The following ERC2 variants were observed in gnomAD, a reference collection of about 807,000 sequenced individuals.
The protein encoded by ERC2 is ERC protein 2.
In ERC2, 42 loss-of-function variants were observed where a neutral mutation model predicts 114.8. The ratio of observed to expected loss-of-function variants is 0.37; its 90% CI spans 0.29 to 0.47. ERC2 has a LOEUF of 0.47. Ranked by LOEUF, ERC2 falls within the 20% of genes least tolerant of loss-of-function variation. The pLI is 0.99. For synonymous variants in ERC2, 454 were observed against 425.5 expected (o/e 1.07, Z -0.82); for missense variants, 939 against 1,150.7 (o/e 0.82, Z 2.66).
chr3:55,678,437 A>G (rs2061912284), intron 17 of ERC2, among the ~76,000 whole-genome samples: 1 of 152,160 alleles, frequency 6.6e-6, no homozygotes, highest in South Asian at 2.1e-4. Context: ...CCTTCTCTCT[A>G]GGTCCCTCTA....
At chr3:56,000,844 G>A (rs1443315994) in intron 10 of ERC2, among the ~76,000 whole-genome samples, 1 of 150,940 alleles carries the variant, frequency 6.6e-6, no homozygotes, top group Non-Finnish European at 1.5e-5. Context: ...CTTGAGCCCA[G>A]GAGTTTGAGA....
intron 3 of ERC2, among the ~76,000 whole-genome samples, chr3:56,208,632 G>T (rs540509971): frequency 3.9e-5 from 6 of 152,326 alleles, no homozygotes; most frequent in African/African-American, 1.4e-4. Flanking sequence ...TCTTCACACT[G>T]AAGATCTTTC....
chr3:55,787,711 T>C (rs1310506565), intron 14 of ERC2, among the ~76,000 whole-genome samples: 5 of 152,224 alleles, frequency 3.3e-5, no homozygotes, highest in Non-Finnish European at 7.3e-5. Context: ...AGATCCCTAT[T>C]GATCCATCAG....
intron 14 of ERC2, among the ~76,000 whole-genome samples, chr3:55,789,649 T>C (rs56912263): frequency 0.14 from 21,476 of 152,252 alleles, 1,726 homozygotes; most frequent in East Asian, 0.23. Flanking sequence ...CAGGTACAAT[T>C]GCTATCATTT....
At chr3:55,552,764 T>C (rs982024286) in intron 17 of ERC2, among the ~76,000 whole-genome samples, 7 of 151,932 alleles carry the variant, frequency 4.6e-5, no homozygotes, top group African/African-American at 1.4e-4. Context: ...GGAGTTCTCC[T>C]CTAGGGAGAA....
chr3:56,149,356 G>T (rs2081303799), intron 4 of ERC2, among the ~76,000 whole-genome samples: 1 of 151,904 alleles, frequency 6.6e-6, no homozygotes, highest in Non-Finnish European at 1.5e-5. Flanking sequence ...ACAATACAGA[G>T]AATTATCTAG....
chr3:56,081,379 G>A (rs760469812), intron 6 of ERC2, among the ~76,000 whole-genome samples: 1 of 151,990 alleles, frequency 6.6e-6, no homozygotes, highest in Non-Finnish European at 1.5e-5. Flanking sequence ...CCTGAAATAC[G>A]GAGAACACAA....
At chr3:56,201,840 A>C (rs112873942) in intron 3 of ERC2, among the ~76,000 whole-genome samples, 20 of 152,250 alleles carry the variant, frequency 1.3e-4, no homozygotes, top group African/African-American at 3.4e-4. Flanking sequence ...TCTTTACAAC[A>C]GTAGGAGAGC....
At chr3:56,379,852 TTG>T (rs1422272351) in intron 2 of ERC2, among the ~76,000 whole-genome samples, 1 of 152,156 alleles carries the variant, frequency 6.6e-6, no homozygotes, top group African/African-American at 2.4e-5. Context: ...AACTAAAATT[TTG>T]TGTCAACAAC....
At chr3:55,834,659 G>A (rs1263618894) in intron 14 of ERC2, among the ~76,000 whole-genome samples, 1 of 150,070 alleles carries the variant, frequency 6.7e-6, no homozygotes, top group East Asian at 2.0e-4. Context: ...GAGAAAGCAG[G>A]AAAGATCCAA....
At chr3:55,975,190 T>TAA (rs112414816) in intron 12 of ERC2, among the ~76,000 whole-genome samples, 2,515 of 144,050 alleles carry the variant, frequency 0.017, 64 homozygotes, top group African/African-American at 0.057. Flanking sequence ...GGAGTTGCTA[T>TAA]AAAAAAAAAA....
At chr3:55,908,626 C>T (rs1482403917) in intron 13 of ERC2, among the ~76,000 whole-genome samples, 2 of 152,084 alleles carry the variant, frequency 1.3e-5, no homozygotes, top group Non-Finnish European at 2.9e-5. Flanking sequence ...GGCAGCTGGC[C>T]GGTCACTCTC....
intron 10 of ERC2, among the ~76,000 whole-genome samples, chr3:55,997,906 T>G (rs11709202): frequency 0.41 from 14,925 of 36,512 alleles, 1,729 homozygotes; most frequent in East Asian, 0.56. Flanking sequence ...TTTTTTTTTT[T>G]TGTGTGTGTG....
At chr3:55,682,098 C>T (rs186004003) in intron 17 of ERC2, among the ~76,000 whole-genome samples, 11 of 152,320 alleles carry the variant, frequency 7.2e-5, no homozygotes, top group South Asian at 2.1e-4. Flanking sequence ...TGCTTTTTAA[C>T]GCTATAAAAC....
At chr3:55,514,698 A>C (rs13314106) in intron 17 of ERC2, among the ~76,000 whole-genome samples, 46,196 of 152,016 alleles carry the variant, frequency 0.3, 8,422 homozygotes, top group African/African-American at 0.51. Context: ...ACCACGAGGA[A>C]ATGAATTCTG....
At chr3:55,776,767 C>G (rs924957716) in intron 14 of ERC2, among the ~76,000 whole-genome samples, 5 of 152,184 alleles carry the variant, frequency 3.3e-5, no homozygotes, top group Non-Finnish European at 7.3e-5. Flanking sequence ...TCCCAAAGGG[C>G]TGCTGTGAGA....
rs71099612 is a variant in ERC2, at chr3:56,033,030, C to CAGAAAGAAAGAAAGAAAGAA, written c.1642-14019_1642-14000dup. Among the ~76,000 whole-genome samples, 116 of 65,250 alleles carry CAGAAAGAAAGAAAGAAAGAA rather than the reference C, an allele frequency of 1.8e-3. 1 individual carries two copies. The highest frequency in any genetic ancestry group is 2.1e-3 in the Admixed American group (12 of 5,676). 42.8% of individuals were successfully genotyped at this position (65,250 alleles called of 152,430 possible). A position where few individuals can be genotyped will look rare whatever the true frequency, so the allele number is the denominator to read the frequency against. On this transcript the variant is annotated intron_variant, in intron 7 of 17. Transcript: ENST00000288221. Reference sequence around the variant, plus strand: ...AAGAAAGAAAGAAAGAAAAAAGAAACAGAAAGAAAGAAAGAAAGAAAGAAA... The same window carrying CAGAAAGAAAGAAAGAAAGAA: ...AAGAAAGAAAGAAAGAAAAAAGAAACAGAAAGAAAGAAAGAAAGAAAGAAAGAAAGAAAGAAAGAAAGAAA...
At chr3:56,008,250 T>C (rs1017355214) in intron 9 of ERC2, among the ~76,000 whole-genome samples, 2 of 152,156 alleles carry the variant, frequency 1.3e-5, no homozygotes, top group African/African-American at 4.8e-5. Flanking sequence ...GGTTGCTTCA[T>C]GGACACTGGA....
chr3:56,319,454 T>C (rs1394749074), intron 2 of ERC2, among the ~76,000 whole-genome samples: 2 of 152,162 alleles, frequency 1.3e-5, no homozygotes, highest in African/African-American at 2.4e-5. Context: ...AAACTCATAG[T>C]GGTTGTCAAG....
Sources: gnomAD v4.1 joint callset for allele counts (sites outside exome capture counted in the v4.1 genomes callset) on GRCh38, gnomAD v4.1.1 for gene constraint, MANE v1.5 for transcripts, NCBI Gene and HGNC (gene_info 2026-07-23, HGNC 2026-07-21) for gene names.